The following ZNF804A variants were observed in gnomAD, a reference collection of about 807,000 sequenced individuals.
ZNF804A encodes zinc finger protein 804A.
ZNF804A carries 2 observed loss-of-function variants against 16.5 expected under a neutral mutation model. The ratio of observed to expected loss-of-function variants is 0.12; its 90% CI spans 0.05 to 0.38. The LOEUF is 0.38. ZNF804A is among the 10% of genes least tolerant of loss of function. The pLI is 0.99. For synonymous variants in ZNF804A, 534 were observed against 489.6 expected (o/e 1.09, Z -1.20); for missense variants, 1,473 against 1,390.7 (o/e 1.06, Z -0.94).
intron 1 of ZNF804A, among the ~76,000 whole-genome samples, chr2:184,681,634 G>C (rs1490249958): frequency 6.6e-6 from 1 of 152,190 alleles, no homozygotes; most frequent in East Asian, 1.9e-4. Context: ...TGCTCTTACT[G>C]ATGGCATCCG....
At chr2:184,740,278 A>G (rs1693692727) in intron 1 of ZNF804A, among the ~76,000 whole-genome samples, 1 of 152,180 alleles carries the variant, frequency 6.6e-6, no homozygotes, top group Non-Finnish European at 1.5e-5. Flanking sequence ...GCACCAGGTG[A>G]ATATATTTTA....
intron 2 of ZNF804A, among the ~76,000 whole-genome samples, chr2:184,916,984 A>G (rs1185289641): frequency 1.3e-5 from 2 of 152,190 alleles, no homozygotes; most frequent in African/African-American, 4.8e-5. Flanking sequence ...GCTCTGCTTC[A>G]ATTGATTAAA....
intron 1 of ZNF804A, among the ~76,000 whole-genome samples, chr2:184,634,193 T>C (rs1385354717): frequency 1.3e-5 from 2 of 152,234 alleles, no homozygotes; most frequent in Admixed American, 6.5e-5. Flanking sequence ...GTCAAAACTT[T>C]TTTTCATTAT....
At chr2:184,737,397 A>C (rs926393420) in intron 1 of ZNF804A, among the ~76,000 whole-genome samples, 1 of 152,002 alleles carries the variant, frequency 6.6e-6, no homozygotes, top group Admixed American at 6.6e-5. Context: ...AAAATCATGA[A>C]ATAGTGTTGA....
At chr2:184,796,814 G>T (rs765865486) in intron 1 of ZNF804A, among the ~76,000 whole-genome samples, 4 of 151,944 alleles carry the variant, frequency 2.6e-5, no homozygotes, top group Non-Finnish European at 5.9e-5. Context: ...CAGAGGTTGG[G>T]GTAGGTTGTG....
At chr2:184,903,292 A>G (rs1685215605) in intron 2 of ZNF804A, among the ~76,000 whole-genome samples, 1 of 152,160 alleles carries the variant, frequency 6.6e-6, no homozygotes, top group Admixed American at 6.6e-5. Context: ...ACAGTGGACC[A>G]CATATATAGC....
chr2:184,898,460 C>T (rs2105825931), intron 2 of ZNF804A, among the ~76,000 whole-genome samples: 1 of 152,128 alleles, frequency 6.6e-6, no homozygotes, highest in South Asian at 2.1e-4. Flanking sequence ...TTTTCGTTAT[C>T]TATATTCACT....
At chr2:184,848,534 C>A (rs568888279) in intron 1 of ZNF804A, among the ~76,000 whole-genome samples, 2 of 152,062 alleles carry the variant, frequency 1.3e-5, no homozygotes, top group African/African-American at 4.8e-5. Flanking sequence ...GAGAAAATAG[C>A]ATTTTTAACA....
chr2:184,641,729 T>C (rs1262787939), intron 1 of ZNF804A, among the ~76,000 whole-genome samples: 1 of 152,198 alleles, frequency 6.6e-6, no homozygotes, highest in East Asian at 1.9e-4. Context: ...TTCCAACATA[T>C]GTCTAATCTT....
intron 1 of ZNF804A, among the ~76,000 whole-genome samples, chr2:184,668,435 A>T (rs1393990359): frequency 6.6e-6 from 1 of 151,286 alleles, no homozygotes; most frequent in Non-Finnish European, 1.5e-5. Context: ...GAATTTAAAC[A>T]GAACAGTATC....
chr2:184,718,018 T>A (rs1693242313), intron 1 of ZNF804A, among the ~76,000 whole-genome samples: 1 of 152,174 alleles, frequency 6.6e-6, no homozygotes, highest in African/African-American at 2.4e-5. Context: ...TAGTCCATTT[T>A]CATGCTGCTG....
rs201247783 is a variant in ZNF804A at position 184,709,838 on chromosome 2, AT to A, written c.111+110773del. On this transcript the variant is annotated intron_variant, in intron 1 of 3. Transcript: ENST00000302277. Reference sequence around the variant, plus strand: ...GTGTATTTTAATATGAGGAAAATATATTTTTATAGTATATATTATAAATATA... The same window carrying A: ...GTGTATTTTAATATGAGGAAAATATATTTTATAGTATATATTATAAATATA... Among the ~76,000 whole-genome samples the A allele has an allele frequency of 2.7e-3, 406 of 148,328 alleles. 16 individuals carry two copies. In the East Asian group the frequency reaches 0.074, roughly 27 times the overall value.
chr2:184,882,067 A>G (rs149915782), intron 2 of ZNF804A, among the ~76,000 whole-genome samples: 48 of 152,198 alleles, frequency 3.2e-4, no homozygotes, highest in Admixed American at 5.9e-4. Flanking sequence ...ACTGACACAC[A>G]TACACTCAAA....
At chr2:184,614,861 G>A (rs1307625676) in intron 1 of ZNF804A, among the ~76,000 whole-genome samples, 1 of 152,122 alleles carries the variant, frequency 6.6e-6, no homozygotes, top group East Asian at 1.9e-4. Context: ...AGTTAGAATG[G>A]CAATCATTAA....
chr2:184,866,311 A>C, intron 1 of ZNF804A, 58 bp from the exon 2 acceptor site: 1 of 1,569,274 alleles, frequency 6.4e-7, no homozygotes, highest in Non-Finnish European at 8.7e-7. Context: ...CAACTGCTAA[A>C]ACAAAGTAAA....
chr2:184,898,481 T>C (rs1323733358), intron 2 of ZNF804A, among the ~76,000 whole-genome samples: 3 of 152,068 alleles, frequency 2.0e-5, no homozygotes, highest in African/African-American at 7.2e-5. Flanking sequence ...GCCTTTCCAG[T>C]TCATACCTAT....
chr2:184,789,187 C>T (rs1164458915), intron 1 of ZNF804A, among the ~76,000 whole-genome samples: 1 of 151,870 alleles, frequency 6.6e-6, no homozygotes, highest in African/African-American at 2.4e-5. Context: ...TGGAATAAGC[C>T]CACTTGATCA....
intron 1 of ZNF804A, among the ~76,000 whole-genome samples, chr2:184,718,009 A>T (rs184380004): frequency 1.0e-3 from 155 of 152,304 alleles, no homozygotes; most frequent in African/African-American, 3.2e-3. Context: ...CACCTATATT[A>T]GTCCATTTTC....
intron 1 of ZNF804A, among the ~76,000 whole-genome samples, chr2:184,706,333 G>A (rs184894451): frequency 9.9e-5 from 15 of 152,272 alleles, no homozygotes; most frequent in South Asian, 6.2e-4. Context: ...AGGCTCATTC[G>A]TTAACCAGAC....
Sources: gnomAD v4.1 joint callset for allele counts (sites outside exome capture counted in the v4.1 genomes callset) on GRCh38, gnomAD v4.1.1 for gene constraint, MANE v1.5 for transcripts, NCBI Gene and HGNC (gene_info 2026-07-23, HGNC 2026-07-21) for gene names.